The following MAST4 variants were observed in gnomAD, a reference collection of about 807,000 sequenced individuals.
MAST4 encodes the protein microtubule associated serine/threonine kinase family member 4, also known as microtubule-associated serine/threonine-protein kinase 4.
In MAST4, 89 loss-of-function variants were observed where a neutral mutation model predicts 162.7. That is an observed-to-expected ratio of 0.55 (90% confidence interval 0.46 to 0.65). The LOEUF is 0.65. Among genes scored for constraint, MAST4 ranks in the 30% least tolerant of loss-of-function variants. The pLI is 0.00. For synonymous variants in MAST4, 1,479 were observed against 1,361.1 expected, an observed-to-expected ratio of 1.09 and a Z score of -1.91; for missense variants, 3,153 against 3,374.0, an observed-to-expected ratio of 0.93 and a Z score of 1.62.
chr5:67,088,788 C>T (rs1184716468), intron 5 of MAST4, among the ~76,000 whole-genome samples: 4 of 152,156 alleles, frequency 2.6e-5, no homozygotes, highest in South Asian at 4.1e-4. Flanking sequence ...GGCTTCTCAG[C>T]GCTTCCCAGT....
chr5:66,771,639 C>T (rs1002566140), intron 2 of MAST4, among the ~76,000 whole-genome samples: 2 of 152,138 alleles, frequency 1.3e-5, no homozygotes, highest in Non-Finnish European at 2.9e-5. Flanking sequence ...CGTGATTCTA[C>T]AAATAATGGG....
intron 11 of MAST4, 79 bp from the exon 12 acceptor site, chr5:67,114,008 T>A: frequency 1.2e-5 from 19 of 1,539,100 alleles, no homozygotes; most frequent in Non-Finnish European, 1.7e-5. Context: ...AGCAGTTATA[T>A]TGTGAATGGG....
intron 1 of MAST4, among the ~76,000 whole-genome samples, chr5:66,641,492 T>C (rs908676585): frequency 6.6e-6 from 1 of 152,166 alleles, no homozygotes; most frequent in Non-Finnish European, 1.5e-5. Context: ...TTCTTGTTCC[T>C]CCACTAAAAA....
At chr5:66,870,770 A>G (rs1465729411) in intron 3 of MAST4, 1 of 470,760 alleles carries the variant, frequency 2.1e-6, no homozygotes, top group East Asian at 7.0e-5. Flanking sequence ...TCTTCCATTC[A>G]CTGTCAGGAA....
intron 1 of MAST4, among the ~76,000 whole-genome samples, chr5:66,755,684 G>A (rs947829748): frequency 1.3e-5 from 2 of 152,044 alleles, no homozygotes; most frequent in Non-Finnish European, 2.9e-5. Flanking sequence ...ATATGTATAT[G>A]CATCATAATG....
At chr5:66,601,693 G>T (rs908779115) in intron 1 of MAST4, among the ~76,000 whole-genome samples, 1 of 152,154 alleles carries the variant, frequency 6.6e-6, no homozygotes, top group South Asian at 2.1e-4. Flanking sequence ...AGGTGTGGAG[G>T]AGAGAAGAGC....
chr5:66,617,437 T>C (rs73106426), intron 1 of MAST4, among the ~76,000 whole-genome samples: 2,114 of 152,212 alleles, frequency 0.014, 48 homozygotes, highest in African/African-American at 0.048. Context: ...AAACCAGTGT[T>C]TTTTCACACT....
At chr5:67,053,244 C>T (rs16896198) in intron 4 of MAST4, among the ~76,000 whole-genome samples, 2,633 of 152,260 alleles carry the variant, frequency 0.017, 87 homozygotes, top group African/African-American at 0.06. Context: ...GAGAAGATAA[C>T]TCCCAAGTCT....
intron 14 of MAST4, among the ~76,000 whole-genome samples, chr5:67,126,288 C>G (rs1001254795): frequency 6.6e-6 from 1 of 152,124 alleles, no homozygotes; most frequent in Admixed American, 6.5e-5. Context: ...GTTGCCATTG[C>G]TTTTGGTGTT....
At chr5:66,861,343 T>C (rs1055146957) in intron 3 of MAST4, among the ~76,000 whole-genome samples, 1 of 152,264 alleles carries the variant, frequency 6.6e-6, no homozygotes, top group Non-Finnish European at 1.5e-5. Context: ...GCCTTCTTTG[T>C]GCCACTAATA....
chr5:67,039,619 C>G (rs1291110874), intron 4 of MAST4, among the ~76,000 whole-genome samples: 1 of 152,150 alleles, frequency 6.6e-6, no homozygotes. Flanking sequence ...AACAAGTGTT[C>G]GTACCTATAA....
intron 4 of MAST4, among the ~76,000 whole-genome samples, chr5:66,928,993 A>C (rs1741846100): frequency 6.6e-6 from 1 of 152,204 alleles, no homozygotes; most frequent in Non-Finnish European, 1.5e-5. Flanking sequence ...TTCTCCAGAG[A>C]GAATCAATAG....
chr5:66,625,438 G>C (rs1229509700), intron 1 of MAST4, among the ~76,000 whole-genome samples: 1 of 152,114 alleles, frequency 6.6e-6, no homozygotes, highest in African/African-American at 2.4e-5. Flanking sequence ...AGCAAACTGT[G>C]TATCTAATAA....
intron 1 of MAST4, among the ~76,000 whole-genome samples, chr5:66,736,345 G>A (rs1191427447): frequency 7.2e-6 from 1 of 139,744 alleles, no homozygotes; most frequent in African/African-American, 2.7e-5. Flanking sequence ...GTCCTTGTAT[G>A]TGTGTGCCTT....
chr5:66,632,986 T>C (rs936789905), intron 1 of MAST4, among the ~76,000 whole-genome samples: 7 of 152,272 alleles, frequency 4.6e-5, no homozygotes, highest in Admixed American at 1.3e-4. Flanking sequence ...TAACCAGTAA[T>C]TTATGTTAAT....
At chr5:67,102,102 C>T (rs1171759218) in intron 8 of MAST4, among the ~76,000 whole-genome samples, 1 of 151,466 alleles carries the variant, frequency 6.6e-6, no homozygotes, top group African/African-American at 2.4e-5. Context: ...GTGTGGCAGA[C>T]CGCAGGTGTA....
intron 3 of MAST4, among the ~76,000 whole-genome samples, chr5:66,824,988 G>T (rs74988616): frequency 0.014 from 2,087 of 152,240 alleles, 47 homozygotes; most frequent in African/African-American, 0.046. Flanking sequence ...CTACATTACA[G>T]TGCACTACTG....
intron 3 of MAST4, among the ~76,000 whole-genome samples, chr5:66,812,810 A>C (rs915073266): frequency 2.0e-5 from 3 of 152,156 alleles, no homozygotes; most frequent in African/African-American, 7.2e-5. Context: ...ATGTGTTGTT[A>C]CCTGCTCCTG....
intron 4 of MAST4, among the ~76,000 whole-genome samples, chr5:66,978,658 T>C (rs1008253128): frequency 6.6e-6 from 1 of 152,152 alleles, no homozygotes; most frequent in Non-Finnish European, 1.5e-5. Context: ...TCACTGGGGA[T>C]GAGCAGAAGG....
Sources: allele counts gnomAD v4.1 joint callset (sites outside exome capture counted in the v4.1 genomes callset), GRCh38; gene constraint gnomAD v4.1.1; transcripts MANE v1.5; gene names NCBI Gene and HGNC (gene_info 2026-07-23, HGNC 2026-07-21).